AATF: variants seen among roughly 807,000 people sequenced by gnomAD.
AATF encodes the protein protein AATF.
In AATF, 48 loss-of-function variants were observed where a neutral mutation model predicts 63.7. That is an observed-to-expected ratio of 0.75 (90% confidence interval 0.60 to 0.96). AATF has a LOEUF of 0.96. AATF is among the 40% of genes least tolerant of loss of function. The pLI, the probability that AATF is intolerant of heterozygous loss-of-function variation, is 0.00. For synonymous variants in AATF, 258 were observed against 247.7 expected, an observed-to-expected ratio of 1.04 and a Z score of -0.39; for missense variants, 639 against 685.7, an observed-to-expected ratio of 0.93 and a Z score of 0.76.
chr17:37,000,039 A>G (rs1246998800), intron 8 of AATF: 1 of 152,250 alleles, frequency 6.6e-6, no homozygotes, highest in Non-Finnish European at 1.5e-5. Context: ...GATTTTGAAT[A>G]TAGAGGAGTA....
At chr17:37,006,145 GA>G (rs895732925) in intron 8 of AATF, among the ~76,000 whole-genome samples, 2 of 150,842 alleles carry the variant, frequency 1.3e-5, no homozygotes, top group Admixed American at 6.6e-5. Context: ...TCTAAAAAAA[GA>G]AAAAAAAGAG....
chr17:37,020,773 C>G (rs1428780661), intron 9 of AATF, among the ~76,000 whole-genome samples, 161 bp from the exon 10 acceptor site: 3 of 151,896 alleles, frequency 2.0e-5, no homozygotes, highest in Non-Finnish European at 4.4e-5. Context: ...TTGCACAAAT[C>G]CTGTTCAATT....
intron 1 of AATF, among the ~76,000 whole-genome samples, chr17:36,949,941 C>T (rs2070839745): frequency 2.0e-5 from 3 of 152,114 alleles, no homozygotes; most frequent in Admixed American, 6.5e-5. Context: ...GATATTGGAG[C>T]GACTGTCACA....
chr17:37,014,039 C>T (rs1210820216), intron 8 of AATF, among the ~76,000 whole-genome samples: 1 of 152,050 alleles, frequency 6.6e-6, no homozygotes, highest in Non-Finnish European at 1.5e-5. Flanking sequence ...TTAGACCTCT[C>T]GTTTCTAATA....
chr17:36,954,977 A>T (rs1028312153), intron 4 of AATF, among the ~76,000 whole-genome samples: 21 of 152,134 alleles, frequency 1.4e-4, no homozygotes, highest in Admixed American at 1.1e-3. Flanking sequence ...AGATATAGAT[A>T]TATATGTATA....
chr17:37,028,402 C>T (rs1293271444), intron 10 of AATF, among the ~76,000 whole-genome samples: 1 of 152,108 alleles, frequency 6.6e-6, no homozygotes, highest in African/African-American at 2.4e-5. Flanking sequence ...CACTGCACTC[C>T]AGCCTGAGCA....
At chr17:36,984,577 G>C (rs1174627252) in intron 4 of AATF, among the ~76,000 whole-genome samples, 3 of 152,172 alleles carry the variant, frequency 2.0e-5, no homozygotes, top group Non-Finnish European at 4.4e-5. Context: ...TTAGCCCCTT[G>C]AGTAGGGTTA....
At chr17:37,048,032 T>C (rs1264357087) in intron 11 of AATF, among the ~76,000 whole-genome samples, 1 of 152,228 alleles carries the variant, frequency 6.6e-6, no homozygotes, top group African/African-American at 2.4e-5. Context: ...AAGACTGCTT[T>C]CTTTCCCCTT....
At chr17:36,956,628 G>C (rs1227957804) in intron 4 of AATF, among the ~76,000 whole-genome samples, 1 of 150,598 alleles carries the variant, frequency 6.6e-6, no homozygotes, top group Non-Finnish European at 1.5e-5. Context: ...AGCCAAGATT[G>C]TGCCATTGCA....
intron 8 of AATF, among the ~76,000 whole-genome samples, chr17:37,007,359 ATTTTTTT>A (rs71368436): frequency 4.4e-5 from 5 of 112,578 alleles, no homozygotes; most frequent in African/African-American, 1.1e-4. Context: ...GGCTAATTTA[ATTTTTTT>A]TTTTTTTTTT....
intron 9 of AATF, among the ~76,000 whole-genome samples, chr17:37,019,363 G>A (rs998271904): frequency 6.6e-6 from 1 of 152,184 alleles, no homozygotes; most frequent in African/African-American, 2.4e-5. Context: ...ATATCAATCT[G>A]TTGACCAGTG....
At chr17:36,950,067 T>C in intron 1 of AATF, 147 bp from the exon 2 acceptor site, 1 of 854,722 alleles carries the variant, frequency 1.2e-6, no homozygotes, top group Non-Finnish European at 1.9e-6. Flanking sequence ...GTGTTCTACT[T>C]TGGGAGAGAG....
intron 4 of AATF, among the ~76,000 whole-genome samples, chr17:36,954,263 G>A (rs2070881880): frequency 6.6e-6 from 1 of 151,706 alleles, no homozygotes; most frequent in African/African-American, 2.4e-5. Context: ...GGGATATTTT[G>A]TAGAGACAGG....
chr17:37,040,753 C>A (rs556899586), intron 11 of AATF, among the ~76,000 whole-genome samples: 1 of 151,936 alleles, frequency 6.6e-6, no homozygotes, highest in Non-Finnish European at 1.5e-5. Context: ...TGCTTCCCCC[C>A]CCACGCTTTC....
At chr17:37,001,426 A>AGGAG (rs1378595845) in intron 8 of AATF, among the ~76,000 whole-genome samples, 3 of 117,732 alleles carry the variant, frequency 2.5e-5, no homozygotes, top group African/African-American at 1.2e-4. Context: ...GAAGGAAGGA[A>AGGAG]GGAAGGAAGG....
At chr17:37,012,386 A>G (rs2071398900) in intron 8 of AATF, among the ~76,000 whole-genome samples, 1 of 152,216 alleles carries the variant, frequency 6.6e-6, no homozygotes, top group South Asian at 2.1e-4. Context: ...TAGGGAGCTG[A>G]GAACCAAAAA....
chr17:36,987,153 ATTTT>A (rs11286976), intron 5 of AATF, among the ~76,000 whole-genome samples: 1 of 121,370 alleles, frequency 8.2e-6, no homozygotes. Flanking sequence ...ATGCCTGGCT[ATTTT>A]TTTTTTTTTT....
chr17:37,032,878 G>A (rs118041970), intron 11 of AATF, among the ~76,000 whole-genome samples: 3,505 of 151,996 alleles, frequency 0.023, 60 homozygotes, highest in Non-Finnish European at 0.033. Context: ...GCTTTTAATT[G>A]TCATCATTGT....
chr17:36,982,688 T>C (rs1025769791), intron 4 of AATF, among the ~76,000 whole-genome samples: 2 of 152,144 alleles, frequency 1.3e-5, no homozygotes, highest in Non-Finnish European at 2.9e-5. Flanking sequence ...TTGTTTGTTT[T>C]AATGGTGGTA....
Sources: allele counts gnomAD v4.1 joint callset (sites outside exome capture counted in the v4.1 genomes callset), GRCh38; gene constraint gnomAD v4.1.1; transcripts MANE v1.5; gene names NCBI Gene and HGNC (gene_info 2026-07-23, HGNC 2026-07-21).